Variants in AASDH observed in about 807,000 individuals in gnomAD.
The protein encoded by AASDH is beta-alanine-activating enzyme.
Under a neutral mutation model 102.3 loss-of-function variants are expected in AASDH, and 81 were observed. The ratio of observed to expected loss-of-function variants is 0.79; its 90% confidence interval spans 0.66 to 0.95. AASDH has a LOEUF of 0.95. AASDH is among the 40% of genes least tolerant of loss of function. The pLI is 0.00. For synonymous variants in AASDH, 398 were observed against 454.0 expected (o/e 0.88, Z 1.57); for missense variants, 1,203 against 1,266.2 (o/e 0.95, Z 0.76).
intron 14 of AASDH, 68 bp from the exon 15 acceptor site, chr4:56,338,859 A>T: frequency 6.9e-7 from 1 of 1,444,932 alleles, no homozygotes; most frequent in Non-Finnish European, 9.4e-7. Flanking sequence ...TTAAAGCTCT[A>T]TGAGGTTCTT....
chr4:56,364,667 C>T (rs1362221107), intron 5 of AASDH, among the ~76,000 whole-genome samples: 3 of 152,120 alleles, frequency 2.0e-5, no homozygotes, highest in Non-Finnish European at 4.4e-5. Context: ...TAAGCAAATG[C>T]TGAGAGATTT....
chr4:56,378,024 T>A (rs1267117342), intron 4 of AASDH, 124 bp downstream of exon 4: 4 of 920,606 alleles, frequency 4.3e-6, no homozygotes, highest in Non-Finnish European at 4.8e-6. Flanking sequence ...CAGGCTGATC[T>A]TGAACTCCTG....
intron 6 of AASDH, 96 bp from the exon 7 acceptor site, chr4:56,354,907 A>T: frequency 1.9e-6 from 2 of 1,052,064 alleles, no homozygotes; most frequent in East Asian, 5.4e-5. Flanking sequence ...TAAAGAAAAA[A>T]AAGTTTGTTA....
At chr4:56,356,834 G>A (rs939958902) in intron 5 of AASDH, 52 of 825,944 alleles carry the variant, frequency 6.3e-5, no homozygotes, top group African/African-American at 1.3e-4. Flanking sequence ...GAGATCCACC[G>A]TCACTGGGGC....
intron 4 of AASDH, among the ~76,000 whole-genome samples, chr4:56,375,650 G>A (rs892422824): frequency 2.6e-5 from 4 of 151,790 alleles, no homozygotes; most frequent in South Asian, 4.2e-4. Context: ...CCTCTTAGTC[G>A]GCTGTCTCTC....
chr4:56,342,951 T>C lies in AASDH; in HGVS notation c.2791A>G (p.Ile931Val). The C allele has an allele frequency of 6.3e-7, 1 of 1,588,016 alleles. No homozygotes were observed. The highest frequency in any genetic ancestry group is 8.6e-7 in the Non-Finnish European group (1 of 1,167,244). The change falls in exon 14 of 15, where the codon ATT (isoleucine) becomes GTT (valine). Residue 931 changes from isoleucine (I) to valine (V), a missense_variant. By Grantham distance (29) the Ile-to-Val change is conservative. Transcript: ENST00000205214. ...GGTTTTCCACAGGAATGTTTCCAAA[T>C]AACGTTCCCAGTAGCCTGTCACAGG... ...LAVNPATGNV[I>V]WKHSCGKPLF...
At chr4:56,348,319 A>G (rs1748566298) in intron 11 of AASDH, among the ~76,000 whole-genome samples, 1 of 151,754 alleles carries the variant, frequency 6.6e-6, no homozygotes, top group African/African-American at 2.4e-5. Context: ...CAGTGGCACA[A>G]TCACCACTCA....
intron 5 of AASDH, among the ~76,000 whole-genome samples, chr4:56,366,085 TA>T (rs1750966684): frequency 2.6e-5 from 4 of 152,276 alleles, no homozygotes; most frequent in Middle Eastern, 6.8e-3. Flanking sequence ...CAGAATACTA[TA>T]AACACCTCTA....
Position 56,371,648 on chromosome 4 carries a change from G to A in AASDH, c.669-5C>T. The A allele has an allele frequency of 1.3e-6, 2 of 1,596,914 alleles. No homozygotes were observed. Among genetic ancestry groups the A allele is most frequent in the East Asian group, 2.2e-5 (1 of 44,594 alleles). On this transcript the variant is annotated splice_region_variant and splice_polypyrimidine_tract_variant and intron_variant, in intron 4 of 14. Transcript: ENST00000205214. ...TGTGTGATGTCAAAAAGTACCCTAA[G>A]GCAAAACAGAATGCAGTTATGAGAA...
chr4:56,356,911 C>T (rs1227811357), intron 5 of AASDH: 2 of 915,912 alleles, frequency 2.2e-6, no homozygotes, highest in Non-Finnish European at 3.5e-6. Flanking sequence ...CGCTAAAGAA[C>T]CTGCCACTAA....
chr4:56,357,623 T>C (rs1416139085), intron 5 of AASDH, among the ~76,000 whole-genome samples: 2 of 149,498 alleles, frequency 1.3e-5, no homozygotes, highest in African/African-American at 2.4e-5. Flanking sequence ...ATAATTCCAT[T>C]AATATAAATT....
At chr4:56,348,302 C>A (rs1466153302) in intron 11 of AASDH, among the ~76,000 whole-genome samples, 4 of 151,352 alleles carry the variant, frequency 2.6e-5, no homozygotes, top group Non-Finnish European at 5.9e-5. Context: ...TTGCTCAGAC[C>A]AGAGTACAGT....
At chr4:56,340,587 CAT>C (rs1384956098) in intron 14 of AASDH, among the ~76,000 whole-genome samples, 1 of 152,116 alleles carries the variant, frequency 6.6e-6, no homozygotes, top group African/African-American at 2.4e-5. Context: ...TAGAAGAAAA[CAT>C]AAGGGAATCA....
rs1302572322 is a variant in AASDH at position 56,338,415 on chromosome 4, C to T, written c.3284G>A (p.Gly1095Asp). 6.2e-7 allele frequency: 1 copy of T among 1,612,846 alleles called. No individual in the cohort carries two copies. Among genetic ancestry groups the T allele is most frequent in the Admixed American group, 1.7e-5 (1 of 59,810 alleles). Residue 1095 changes from glycine (G) to aspartate (D), a missense_variant, in exon 15 of 15, where the codon GGC (glycine) becomes GAC (aspartate). Physicochemically the swap from Gly to Asp is moderately conservative, Grantham distance 94. Coordinates refer to ENST00000205214, the MANE Select transcript of AASDH (RefSeq NM_181806.4). ...GACTGTATTTGATTATTTTTGATTG[C>T]CACCCAATAAATCCAGACAATAAAC... is the stretch of plus-strand genomic sequence containing the variant. ...NYVYCLDLLGGNQK is the reference protein window; with the variant it reads ...NYVYCLDLLGDNQK
At chr4:56,360,082 G>A (rs578123886) in intron 5 of AASDH, among the ~76,000 whole-genome samples, 15 of 152,296 alleles carry the variant, frequency 9.8e-5, no homozygotes, top group African/African-American at 3.1e-4. Flanking sequence ...CATCCCAGTA[G>A]GTACTTACTG....
chr4:56,349,755 T>G lies in AASDH; in HGVS notation c.1996A>C (p.Ile666Leu), dbSNP rs773718786. 3.7e-6 allele frequency: 6 copies of G among 1,614,228 alleles called. No homozygotes were observed. Among genetic ancestry groups the G allele is most frequent in the Non-Finnish European group, 5.1e-6 (6 of 1,180,034 alleles). The change falls in exon 11 of 15, where the codon ATC (isoleucine) becomes CTC (leucine). Residue 666 changes from isoleucine (I) to leucine (L), a missense_variant. Ile to Leu is a conservative substitution (Grantham distance 5, BLOSUM62 2). Transcript: ENST00000205214. ...ASGTSLHQKAIMTFTCHNEIN... is the reference protein window; with the variant it reads ...ASGTSLHQKALMTFTCHNEIN... ...TCATTGTGGCAAGTGAAAGTCATGA[T>G]GGCTTTCTGATGTAAAGATGTTCCA... is the stretch of plus-strand genomic sequence containing the variant.
rs1747103012 is a variant in AASDH, at chr4:56,338,349, TA to T, written c.*52del. 2 of 1,561,814 alleles carry T rather than the reference TA, an allele frequency of 1.3e-6. No homozygotes were observed. The highest frequency in any genetic ancestry group is 1.7e-6 in the Non-Finnish European group (2 of 1,150,230). On this transcript the variant is annotated 3_prime_UTR_variant, in exon 15 of 15. Transcript: ENST00000205214. ...AATAAGTCCACATGATGTATAATGG[TA>T]AAATATTTTCAAATATCTCACATTT... is the stretch of plus-strand genomic sequence containing the variant.
At chr4:56,369,592 C>T (rs1404676186) in intron 5 of AASDH, among the ~76,000 whole-genome samples, 4 of 152,086 alleles carry the variant, frequency 2.6e-5, no homozygotes, top group Admixed American at 1.3e-4. Context: ...TCTCAATTCT[C>T]GTTACCCTGG....
At position 56,371,848 on chromosome 4, in the gene AASDH, C is replaced by T. The variant is rs113206420; in HGVS notation, c.669-205G>A. On this transcript the variant is annotated intron_variant, in intron 4 of 14. Transcript: ENST00000205214. ...ATTAACAGCTATTTAAAGCAATATC[C>T]ACGTTTTACCAGACATATTTTATCA... Among the ~76,000 whole-genome samples, 325 of 152,162 alleles carry T rather than the reference C, an allele frequency of 2.1e-3. 2 individuals carry two copies. The highest frequency in any genetic ancestry group is 7.3e-3 in the African/African-American group (304 of 41,472).
Sources: allele counts gnomAD v4.1 joint callset (sites outside exome capture counted in the v4.1 genomes callset), GRCh38; gene constraint gnomAD v4.1.1; transcripts MANE v1.5; gene names NCBI Gene and HGNC (gene_info 2026-07-23, HGNC 2026-07-21).